TMEM132D: variants seen among roughly 807,000 people sequenced by gnomAD.
TMEM132D encodes the protein transmembrane protein 132D.
Under a neutral mutation model 62.3 loss-of-function variants are expected in TMEM132D, and 21 were observed. The ratio of observed to expected loss-of-function variants is 0.34; its 90% CI spans 0.24 to 0.49. The LOEUF (loss-of-function observed/expected upper bound fraction) is 0.49. TMEM132D is among the 20% of genes least tolerant of loss of function. The probability of loss-of-function intolerance (pLI) is 0.99; values close to 1 mark genes in which losing one functional copy is unlikely to be tolerated. For synonymous variants in TMEM132D, 621 were observed against 575.6 expected, an observed-to-expected ratio of 1.08 and a Z score of -1.13; for missense variants, 1,346 against 1,402.8, an observed-to-expected ratio of 0.96 and a Z score of 0.65.
At chr12:129,461,219 G>A (rs1873657026) in intron 3 of TMEM132D, among the ~76,000 whole-genome samples, 1 of 152,194 alleles carries the variant, frequency 6.6e-6, no homozygotes, top group Non-Finnish European at 1.5e-5. Context: ...TGCAGCTCAA[G>A]AGATCTTACC....
At position 129,210,578 on chromosome 12, in the gene TMEM132D, C is replaced by G. The variant is rs750589028; in HGVS notation, c.1300-915G>C. Among the ~76,000 whole-genome samples the G allele has an allele frequency of 2.0e-5, 3 of 152,196 alleles. No homozygotes were observed. In the East Asian group the frequency reaches 5.8e-4, roughly 29 times the overall value. On this transcript the variant is annotated intron_variant, in intron 4 of 8. Transcript: ENST00000422113. ...TATTTGCTTTCAGAATTAAGAATGTCCTGAACCTTTCCCCTTGGTAGCACC... is the reference window on the plus strand; with the variant it reads ...TATTTGCTTTCAGAATTAAGAATGTGCTGAACCTTTCCCCTTGGTAGCACC...
intron 4 of TMEM132D, among the ~76,000 whole-genome samples, chr12:129,218,479 C>CACCATGGTAAGTATTT (rs565108725): frequency 4.6e-5 from 7 of 152,166 alleles, no homozygotes; most frequent in Non-Finnish European, 1.0e-4. Flanking sequence ...GCAGCTGAAA[C>CACCATGGTAAGTATTT]ACCATGGTAA....
intron 1 of TMEM132D, among the ~76,000 whole-genome samples, chr12:129,834,499 C>T (rs1321805222): frequency 1.3e-5 from 2 of 151,692 alleles, no homozygotes; most frequent in Admixed American, 6.6e-5. Context: ...TAAACCCCCT[C>T]TCTCAGCCCT....
chr12:129,249,754 C>T (rs537707560), intron 4 of TMEM132D, among the ~76,000 whole-genome samples: 122 of 152,148 alleles, frequency 8.0e-4, no homozygotes, highest in African/African-American at 2.7e-3. Context: ...GAAAAGACCC[C>T]GAGTAGCTCA....
At chr12:129,147,274 A>ATATATATACATGTGCATATG (rs1876933757) in intron 5 of TMEM132D, among the ~76,000 whole-genome samples, 1 of 150,106 alleles carries the variant, frequency 6.7e-6, no homozygotes, top group African/African-American at 2.5e-5. Context: ...GTGCATATGT[A>ATATATATACATGTGCATATG]TATATATACA....
intron 5 of TMEM132D, among the ~76,000 whole-genome samples, chr12:129,122,737 A>G (rs1876103377): frequency 6.6e-6 from 1 of 152,258 alleles, no homozygotes; most frequent in Non-Finnish European, 1.5e-5. Context: ...ATGAAATAAT[A>G]AATGTACCCT....
intron 2 of TMEM132D, among the ~76,000 whole-genome samples, chr12:129,559,404 A>G (rs1877151859): frequency 6.6e-6 from 1 of 152,218 alleles, no homozygotes; most frequent in South Asian, 2.1e-4. Flanking sequence ...GCAATTAGCA[A>G]ATTTCCTCAG....
At chr12:129,681,297 C>T (rs1880772705) in intron 2 of TMEM132D, 1 of 152,194 alleles carries the variant, frequency 6.6e-6, no homozygotes, top group Non-Finnish European at 1.5e-5. Flanking sequence ...CAGCTTTATT[C>T]TATATCATAA....
chr12:129,681,983 A>G (rs1880788726), intron 2 of TMEM132D, among the ~76,000 whole-genome samples: 1 of 152,222 alleles, frequency 6.6e-6, no homozygotes, highest in African/African-American at 2.4e-5. Flanking sequence ...CGGGAAGGTT[A>G]CATCTCACTT....
chr12:129,419,512 G>T (rs1241507660), intron 3 of TMEM132D, among the ~76,000 whole-genome samples: 1 of 146,312 alleles, frequency 6.8e-6, no homozygotes, highest in Non-Finnish European at 1.5e-5. Flanking sequence ...GATGGTAAGG[G>T]ACAGAAGGAG....
At chr12:129,420,937 C>T (rs534064317) in intron 3 of TMEM132D, among the ~76,000 whole-genome samples, 1 of 150,494 alleles carries the variant, frequency 6.6e-6, no homozygotes, top group East Asian at 2.0e-4. Flanking sequence ...ATTTATCTAA[C>T]AGTCCGAGCT....
chr12:129,168,750 G>A (rs1877634707), intron 5 of TMEM132D, among the ~76,000 whole-genome samples: 2 of 152,104 alleles, frequency 1.3e-5, no homozygotes, highest in Admixed American at 1.3e-4. Flanking sequence ...AGATGCTGGT[G>A]GTATCTCATC....
chr12:129,140,133 TAATTATACAC>T (rs1565976387), intron 5 of TMEM132D, among the ~76,000 whole-genome samples: 1 of 152,060 alleles, frequency 6.6e-6, no homozygotes, highest in Non-Finnish European at 1.5e-5. Flanking sequence ...TGCATTTGGG[TAATTATACAC>T]AATTCTGTGA....
chr12:129,841,937 T>TG (rs1200569367), intron 1 of TMEM132D, among the ~76,000 whole-genome samples: 1 of 150,352 alleles, frequency 6.7e-6, no homozygotes, highest in Admixed American at 6.6e-5. Flanking sequence ...TTTCGTGTTT[T>TG]TTTTTTTTTT....
chr12:129,657,341 G>T (rs1880114624), intron 2 of TMEM132D, among the ~76,000 whole-genome samples: 3 of 152,096 alleles, frequency 2.0e-5, no homozygotes, highest in African/African-American at 7.2e-5. Flanking sequence ...GATAGGATGG[G>T]GCTGATCTCA....
chr12:129,586,822 T>C (rs1217765442), intron 2 of TMEM132D, among the ~76,000 whole-genome samples: 1 of 152,146 alleles, frequency 6.6e-6, no homozygotes, highest in Non-Finnish European at 1.5e-5. Context: ...GTACATAACA[T>C]GATGAAGGTG....
intron 3 of TMEM132D, among the ~76,000 whole-genome samples, chr12:129,504,995 C>T (rs576791532): frequency 6.6e-6 from 1 of 152,280 alleles, no homozygotes; most frequent in African/African-American, 2.4e-5. Flanking sequence ...GAACAGGTTA[C>T]TTAATTCCCA....
At chr12:129,601,754 A>G (rs1878489683) in intron 2 of TMEM132D, among the ~76,000 whole-genome samples, 1 of 152,210 alleles carries the variant, frequency 6.6e-6, no homozygotes, top group Non-Finnish European at 1.5e-5. Context: ...TTACATGGGC[A>G]TGGTTCATGG....
intron 6 of TMEM132D, 39 bp downstream of exon 6, chr12:129,084,458 C>T (rs778043494): frequency 6.5e-7 from 1 of 1,548,698 alleles, no homozygotes; most frequent in Non-Finnish European, 8.7e-7. Flanking sequence ...CCGTACACTT[C>T]CTCCTTAGCC....
Sources: gnomAD v4.1 joint callset for allele counts (sites outside exome capture counted in the v4.1 genomes callset) on GRCh38, gnomAD v4.1.1 for gene constraint, MANE v1.5 for transcripts, NCBI Gene and HGNC (gene_info 2026-07-23, HGNC 2026-07-21) for gene names.